The following HPSE2 variants were observed in gnomAD, a reference collection of about 807,000 sequenced individuals.
HPSE2 encodes the protein heparanase 2 (inactive), also known as inactive heparanase-2.
A neutral mutation model predicts 60.5 loss-of-function variants in HPSE2; 38 were observed. The ratio of observed to expected loss-of-function variants is 0.63; its 90% CI spans 0.48 to 0.82. HPSE2 has a LOEUF of 0.82. Ranked by LOEUF, HPSE2 falls within the 40% of genes least tolerant of loss-of-function variation. The pLI is 0.00. For missense variants in HPSE2, 713 were observed against 740.4 expected (o/e 0.96, Z 0.43); for synonymous variants, 295 against 293.2 (o/e 1.01, Z -0.06).
At chr10:99,289,697 G>A in the HPSE2 span, among the ~76,000 whole-genome samples, 1 of 152,020 alleles carries the variant, frequency 6.6e-6, no homozygotes, top group Non-Finnish European at 1.5e-5. Flanking sequence ...GCAATGAAAT[G>A]CCATTTTCTT....
chr10:99,140,755 C>T (rs1422297526), intron 3 of HPSE2, among the ~76,000 whole-genome samples: 1 of 152,156 alleles, frequency 6.6e-6, no homozygotes, highest in Non-Finnish European at 1.5e-5. Flanking sequence ...AAGTAGTCTT[C>T]TGGCTGGGTG....
At chr10:99,311,956 C>T in the HPSE2 span, among the ~76,000 whole-genome samples, 3 of 152,172 alleles carry the variant, frequency 2.0e-5, no homozygotes, top group African/African-American at 7.2e-5. Flanking sequence ...TTTTAGTGGT[C>T]TAGATAGAAG....
At chr10:99,108,194 GAGAC>G (rs2076783787) in intron 3 of HPSE2, among the ~76,000 whole-genome samples, 1 of 152,170 alleles carries the variant, frequency 6.6e-6, no homozygotes, top group Non-Finnish European at 1.5e-5. Context: ...ATGAAAAAAA[GAGAC>G]AGGTAACTAG....
At chr10:98,516,435 A>C (rs1220224437) in intron 9 of HPSE2, among the ~76,000 whole-genome samples, 3 of 152,224 alleles carry the variant, frequency 2.0e-5, no homozygotes, top group Admixed American at 2.0e-4. Context: ...ATAAATAAAA[A>C]ACGTTGCCAG....
chr10:99,238,995 C>T (rs1849907418), upstream of HPSE2, among the ~76,000 whole-genome samples: 1 of 151,890 alleles, frequency 6.6e-6, no homozygotes, highest in Non-Finnish European at 1.5e-5. Context: ...CCCGTCTCTA[C>T]TAAAAATATA....
At position 98,909,635 on chromosome 10, in the gene HPSE2, T is replaced by TAAA. The variant is rs770316849; in HGVS notation, c.611-165582_611-165580dup. 8.6e-3 allele frequency among the ~76,000 whole-genome samples: 1,164 copies of TAAA among 134,844 alleles called. 10 individuals carry two copies. Among genetic ancestry groups the TAAA allele is most frequent in the African/African-American group, 0.03 (1,114 of 37,100 alleles). 88.5% of individuals were successfully genotyped at this position (134,844 alleles called of 152,430 possible). The stretch of plus-strand genomic sequence containing the variant: ...CAGAGTGAGGCTCCGTCTCAAAATT[T>TAAA]AAAAAAAAAAAAAATGAAAAAAAAA... On this transcript the variant is annotated intron_variant, in intron 3 of 11. Coordinates refer to ENST00000370552, the MANE Select transcript of HPSE2 (RefSeq NM_021828.5).
intron 3 of HPSE2, among the ~76,000 whole-genome samples, chr10:98,994,590 G>A (rs964650775): frequency 3.3e-5 from 5 of 152,228 alleles, no homozygotes; most frequent in African/African-American, 4.8e-5. Context: ...AGTAAAGCCC[G>A]GTTTTCCTGT....
intron 2 of HPSE2, among the ~76,000 whole-genome samples, chr10:99,147,513 A>C (rs1846100101): frequency 6.6e-6 from 1 of 152,238 alleles, no homozygotes; most frequent in South Asian, 2.1e-4. Flanking sequence ...ATTGCTCAGA[A>C]TGCAGCAGAA....
intron 9 of HPSE2, among the ~76,000 whole-genome samples, chr10:98,499,428 A>T (rs919164147): frequency 1.3e-5 from 2 of 152,184 alleles, no homozygotes; most frequent in Non-Finnish European, 2.9e-5. Flanking sequence ...GGAAAAATAC[A>T]GTCTTTTTCA....
chr10:98,773,457 T>A (rs1950281441), intron 3 of HPSE2, among the ~76,000 whole-genome samples: 1 of 152,200 alleles, frequency 6.6e-6, no homozygotes, highest in South Asian at 2.1e-4. Flanking sequence ...CCTTATAATT[T>A]GTAATTCCCT....
the HPSE2 span, among the ~76,000 whole-genome samples, chr10:99,268,466 A>T: frequency 6.6e-6 from 1 of 151,868 alleles, no homozygotes; most frequent in Non-Finnish European, 1.5e-5. Flanking sequence ...ACATGGTGAA[A>T]CCCCGTCTCA....
intron 6 of HPSE2, among the ~76,000 whole-genome samples, chr10:98,656,507 A>T (rs1432821386): frequency 1.3e-5 from 2 of 152,180 alleles, no homozygotes; most frequent in East Asian, 3.8e-4. Context: ...TGAGAGAATA[A>T]GACAGACAAA....
the HPSE2 span, among the ~76,000 whole-genome samples, chr10:99,301,478 A>C: frequency 6.6e-6 from 1 of 152,162 alleles, no homozygotes; most frequent in African/African-American, 2.4e-5. Context: ...GGTCCCAAGG[A>C]CTTGCTCCTC....
chr10:99,273,121 G>T, the HPSE2 span, among the ~76,000 whole-genome samples: 1 of 152,188 alleles, frequency 6.6e-6, no homozygotes, highest in Non-Finnish European at 1.5e-5. Context: ...TTTGCAGCAA[G>T]CTGGATGAAA....
chr10:99,066,007 A>ATAAGTACAAGGCAGAAAGTGAG (rs1842604617), intron 3 of HPSE2, among the ~76,000 whole-genome samples: 1 of 152,238 alleles, frequency 6.6e-6, no homozygotes, highest in Non-Finnish European at 1.5e-5. Context: ...CAGAAAGTGA[A>ATAAGTACAAGGCAGAAAGTGAG]TAAGTACAGG....
At chr10:98,577,230 T>C (rs1021155051) in intron 9 of HPSE2, among the ~76,000 whole-genome samples, 7 of 152,160 alleles carry the variant, frequency 4.6e-5, no homozygotes, top group African/African-American at 1.7e-4. Context: ...TTTATCAATA[T>C]GATTTTACTG....
chr10:98,774,037 A>G (rs1430101329), intron 3 of HPSE2, among the ~76,000 whole-genome samples: 1 of 152,160 alleles, frequency 6.6e-6, no homozygotes, highest in East Asian at 1.9e-4. Context: ...GCACTCCAGT[A>G]TGGGTGACGG....
chr10:98,543,849 A>G (rs1269032926), intron 9 of HPSE2, among the ~76,000 whole-genome samples: 1 of 152,086 alleles, frequency 6.6e-6, no homozygotes, highest in Admixed American at 6.5e-5. Context: ...GTGACCTACA[A>G]AGAGACTTAG....
rs184227047 is a variant in HPSE2, at chr10:98,737,770, G to A, written c.784+6113C>T. Among the ~76,000 whole-genome samples the A allele has an allele frequency of 4.4e-3, 674 of 152,232 alleles. 4 individuals are homozygous for A. The highest frequency in any genetic ancestry group is 0.015 in the African/African-American group (640 of 41,540). On this transcript the variant is annotated intron_variant, in intron 4 of 11. Transcript: ENST00000370552. ...CCACCTAGGAATCCAACTTACAAGG[G>A]ATGTGAAGGACTTCTTCCAGGAGAA...
Sources: allele counts gnomAD v4.1 joint callset (sites outside exome capture counted in the v4.1 genomes callset), GRCh38; gene constraint gnomAD v4.1.1; transcripts MANE v1.5; gene names NCBI Gene and HGNC (gene_info 2026-07-23, HGNC 2026-07-21).